Variants in CBX7 observed in about 807,000 individuals in gnomAD.
The protein encoded by CBX7 is chromobox 7.
Under a neutral mutation model 31.4 loss-of-function variants are expected in CBX7, and 14 were observed. That is an observed-to-expected ratio of 0.45 (90% CI 0.29 to 0.70). The LOEUF is 0.70. Among genes scored for constraint, CBX7 ranks in the 30% least tolerant of loss-of-function variants. CBX7 has a pLI of 0.11. For missense variants in CBX7, 269 were observed against 351.9 expected, an observed-to-expected ratio of 0.76 and a Z score of 1.89; for synonymous variants, 159 against 152.6, an observed-to-expected ratio of 1.04 and a Z score of -0.31.
intron 2 of CBX7, 43 bp downstream of exon 2, chr22:39,149,746 T>C (rs747692280): frequency 8.2e-6 from 13 of 1,594,486 alleles, no homozygotes; most frequent in Non-Finnish European, 1.0e-5. Flanking sequence ...AATGCATGGG[T>C]CGGTAGGCAG....
chr22:39,148,711 G>T (rs1341390402), intron 2 of CBX7: 1 of 152,402 alleles, frequency 6.6e-6, no homozygotes, highest in Non-Finnish European at 1.5e-5. Flanking sequence ...ATATCCACAG[G>T]TCACCCAGAA....
intron 4 of CBX7, chr22:39,135,405 C>T (rs549880626): frequency 1.3e-5 from 2 of 152,360 alleles, no homozygotes; most frequent in African/African-American, 4.8e-5. Context: ...TTTGTAATGT[C>T]GGGATTTATC....
chr22:39,139,751 A>C (rs1238860400), intron 3 of CBX7, among the ~76,000 whole-genome samples: 9 of 148,038 alleles, frequency 6.1e-5, no homozygotes, highest in Non-Finnish European at 1.2e-4. Flanking sequence ...AAAAACAAAC[A>C]AAAAACCCCA....
rs796936460 is a variant in CBX7, at chr22:39,149,559, C to G, written c.113+230G>C. The G allele has an allele frequency of 9.5e-5, 54 of 566,796 alleles. No homozygotes were observed. In the African/African-American group the frequency reaches 9.8e-4, roughly 10 times the overall value. The allele number at this position is 566,796 out of a possible 1,614,324, so 35.1% of individuals were successfully genotyped here. A position where few individuals can be genotyped will look rare whatever the true frequency, so the allele number is the denominator to read the frequency against. Reference sequence around the variant, plus strand: ...AGAAGCTCCAACTAGCAGAGGAGCTCAACACTCAGGAGGGCAGGGTGAGAA... The same window carrying G: ...AGAAGCTCCAACTAGCAGAGGAGCTGAACACTCAGGAGGGCAGGGTGAGAA... On this transcript the variant is annotated intron_variant, in intron 2 of 5. Transcript: ENST00000216133.
At chr22:39,144,762 T>C (rs1312641991) in intron 2 of CBX7, among the ~76,000 whole-genome samples, 1 of 151,986 alleles carries the variant, frequency 6.6e-6, no homozygotes, top group South Asian at 2.1e-4. Context: ...GTCCCAACCC[T>C]TCTCTGAACT....
Position 39,152,396 on chromosome 22 carries a change from G to T in CBX7, c.49C>A (p.Arg17=). The T allele has an allele frequency of 7.2e-7, 1 of 1,393,046 alleles. No individual in the cohort carries two copies. The allele number at this position is 1,393,046 out of a possible 1,614,324, so 86.3% of individuals were successfully genotyped here. A position where few individuals can be genotyped will look rare whatever the true frequency, so the allele number is the denominator to read the frequency against. ...GEQVFAVESI[R]KKRVRKGKVE... is the part of the protein sequence containing the mutation. ...CTCACCTTCCGCACGCGCTTCTTCCGGATGCTCTCCACGGCGAACACCTGC... is the reference window on the plus strand; with the variant it reads ...CTCACCTTCCGCACGCGCTTCTTCCTGATGCTCTCCACGGCGAACACCTGC... The change falls in exon 1 of 6, where the codon CGG becomes AGG. Residue 17 remains arginine, a synonymous_variant. Transcript: ENST00000216133. This position sits in a 1 kb window ranked among gnomAD's most constrained non-coding sequence, Gnocchi z 4.9.
At chr22:39,143,565 T>A (rs535526669) in intron 2 of CBX7, among the ~76,000 whole-genome samples, 1 of 152,372 alleles carries the variant, frequency 6.6e-6, no homozygotes, top group South Asian at 2.1e-4. Context: ...TAAGTTAGTG[T>A]AGCGTAAGTG....
At chr22:39,137,603 C>T (rs1399665693) in intron 4 of CBX7, among the ~76,000 whole-genome samples, 1 of 152,006 alleles carries the variant, frequency 6.6e-6, no homozygotes, top group Admixed American at 6.6e-5. Context: ...CCCGCCTCGG[C>T]CTCCCAAAGT....
In CBX7 at chr22:39,134,623, C is replaced by T; in HGVS notation, c.376G>A (p.Val126Met). 1 of 1,585,376 alleles carries T rather than the reference C, an allele frequency of 6.3e-7. No homozygotes were observed. The highest frequency in any genetic ancestry group is 1.1e-5 in the South Asian group (1 of 87,688). The change falls in exon 5 of 6, where the codon GTG becomes ATG. Residue 126 changes from valine to methionine, a missense_variant. Physicochemically the swap from Val to Met is conservative, Grantham distance 21. Transcript: ENST00000216133. ...GVVKAGAPEL[V>M]DKGPLVPTLP... ...GTGGGCACCAAGGGGCCCTTGTCCA[C>T]CAGCTCAGGTGCCCCCGCCTTGACC...
chr22:39,145,868 G>C (rs917939480), intron 2 of CBX7, among the ~76,000 whole-genome samples: 10 of 151,940 alleles, frequency 6.6e-5, no homozygotes, highest in Non-Finnish European at 1.2e-4. Flanking sequence ...GCCCTGCTGC[G>C]GTGAGGGCAC....
Position 39,140,733 on chromosome 22 carries a change from G to T in CBX7, c.179+638C>A, listed in dbSNP as rs1285051124. 5.3e-5 allele frequency among the ~76,000 whole-genome samples: 5 copies of T among 94,878 alleles called. No homozygotes were observed. In the East Asian group the frequency reaches 1.8e-3, roughly 34 times the overall value. The allele number at this position is 94,878 out of a possible 152,430, so 62.2% of individuals were successfully genotyped here. A position where few individuals can be genotyped will look rare whatever the true frequency, so the allele number is the denominator to read the frequency against. On this transcript the variant is annotated intron_variant, in intron 3 of 5. Coordinates refer to ENST00000216133, the MANE Select transcript of CBX7 (RefSeq NM_175709.5). ...AGGGGACCTGGGCTGCCTGCTGGTG[G>T]GGGGGGCGGCCAGAGAGGGCACACA...
chr22:39,133,978 G>T lies in CBX7; in HGVS notation c.669C>A (p.Thr223=). The T allele has an allele frequency of 6.2e-7, 1 of 1,613,798 alleles. No individual in the cohort carries two copies. The highest frequency in any genetic ancestry group is 8.5e-7 in the Non-Finnish European group (1 of 1,179,850). Reference sequence around the variant, plus strand: ...CGGTGATGGAGTTGGCGGTGATGTCGGTCACGGTCACCTCACTTGAGGGGA... The same window carrying T: ...CGGTGATGGAGTTGGCGGTGATGTCTGTCACGGTCACCTCACTTGAGGGGA... The part of the protein sequence containing the change: ...PALPSSEVTV[T]DITANSITVT... The change falls in exon 6 of 6, where the codon ACC becomes ACA. Residue 223 remains threonine, a synonymous_variant. Coordinates refer to ENST00000216133, the MANE Select transcript of CBX7 (RefSeq NM_175709.5).
intron 5 of CBX7, 170 bp from the exon 6 acceptor site, chr22:39,134,218 T>C (rs906223274): frequency 1.3e-5 from 11 of 853,690 alleles, no homozygotes; most frequent in Middle Eastern, 3.6e-4. Context: ...CCTCCCCACC[T>C]AGACAAGAGC....
At position 39,134,424 on chromosome 22, in the gene CBX7, G is replaced by A. The variant is rs1930165987; in HGVS notation, c.575C>T (p.Ala192Val). 5.6e-6 allele frequency: 9 copies of A among 1,601,656 alleles called. No homozygotes were observed. Among genetic ancestry groups the A allele is most frequent in the Non-Finnish European group, 6.8e-6 (8 of 1,179,486 alleles). ...ACCCTCCTCTTCAGGGGGCTGCGCA[G>A]CAGGCTCCCACTCGCCAGCCGCCTG... ...VLQAAGEWEP[A>V]AQPPEEEADA... Residue 192 changes from alanine to valine, a missense_variant, in exon 5 of 6, where the codon GCT becomes GTT. By Grantham distance (64) the Ala-to-Val change is moderately conservative. Around this residue, in one of 2 missense-constraint regions of CBX7, gnomAD observed 222 missense variants for 240.4 expected, o/e 0.92. Transcript: ENST00000216133.
intron 1 of CBX7, among the ~76,000 whole-genome samples, chr22:39,151,294 G>A (rs1424437663): frequency 1.3e-5 from 2 of 152,198 alleles, no homozygotes; most frequent in African/African-American, 4.8e-5. Context: ...CCCAAGCACA[G>A]CTGGAGGAAG....
intron 2 of CBX7, among the ~76,000 whole-genome samples, chr22:39,141,647 G>A (rs996220605): frequency 1.3e-5 from 2 of 152,100 alleles, no homozygotes; most frequent in Admixed American, 1.3e-4. Context: ...TACTCAGGAG[G>A]CTGAGACAGG....
chr22:39,134,878 A>C, intron 4 of CBX7, 126 bp from the exon 5 acceptor site: 6 of 648,708 alleles, frequency 9.2e-6, no homozygotes, highest in Non-Finnish European at 1.5e-5. Context: ...ACTCCTTCCC[A>C]TGCCACGGCT....
intron 2 of CBX7, among the ~76,000 whole-genome samples, chr22:39,143,292 A>AT (rs998330050): frequency 1.6e-5 from 2 of 122,842 alleles, no homozygotes; most frequent in South Asian, 2.4e-4. Context: ...TTATTTTAAA[A>AT]TTAAAAAAAA....
chr22:39,143,206 A>G (rs1279544165), intron 2 of CBX7, among the ~76,000 whole-genome samples: 1 of 152,164 alleles, frequency 6.6e-6, no homozygotes, highest in Non-Finnish European at 1.5e-5. Context: ...GTGAGCCGAG[A>G]TCGTACCACT....
Sources: gnomAD v4.1 joint callset for allele counts (sites outside exome capture counted in the v4.1 genomes callset) on GRCh38, gnomAD v4.1.1 for gene constraint, gnomAD v4.1.1 regional missense constraint, Gnocchi (gnomAD v3.1) non-coding constraint, MANE v1.5 for transcripts, NCBI Gene and HGNC (gene_info 2026-07-23, HGNC 2026-07-21) for gene names.